The following TNFSF4 variants were observed in gnomAD, a reference collection of about 807,000 sequenced individuals.
TNFSF4 encodes the protein tumor necrosis factor ligand superfamily member 4.
In TNFSF4, 4 loss-of-function variants were observed where a neutral mutation model predicts 7.3. The ratio of observed to expected loss-of-function variants is 0.55; its 90% CI spans 0.27 to 1.25. The LOEUF (loss-of-function observed/expected upper bound fraction) is 1.25, where lower values mean the gene tolerates loss of function less well. Ranked by LOEUF, TNFSF4 falls within the 50% of genes most tolerant of loss-of-function variation. The pLI is 0.12. For missense variants in TNFSF4, 181 were observed against 208.8 expected, an observed-to-expected ratio of 0.87 and a Z score of 0.82; for synonymous variants, 76 against 83.7, an observed-to-expected ratio of 0.91 and a Z score of 0.50.
At chr1:173,405,782 C>T in the TNFSF4 span, among the ~76,000 whole-genome samples, 1 of 152,220 alleles carries the variant, frequency 6.6e-6, no homozygotes, top group African/African-American at 2.4e-5. Flanking sequence ...ATGCATCTCA[C>T]ATTGTACCTC....
the TNFSF4 span, among the ~76,000 whole-genome samples, chr1:173,220,795 T>C: frequency 6.6e-6 from 1 of 152,198 alleles, no homozygotes; most frequent in South Asian, 2.1e-4. Context: ...CTATGAAATA[T>C]AAATGTTGTT....
chr1:173,375,473 C>A, the TNFSF4 span, among the ~76,000 whole-genome samples: 21 of 152,152 alleles, frequency 1.4e-4, no homozygotes, highest in Non-Finnish European at 3.1e-4. Context: ...ACTTCAGGAA[C>A]TTTTCTGTCT....
At position 173,186,450 on chromosome 1, in the gene TNFSF4, A is replaced by C. The variant is rs779407107; in HGVS notation, c.*66T>G. 87 of 1,354,892 alleles carry C rather than the reference A, an allele frequency of 6.4e-5. No individual in the cohort carries two copies. Among genetic ancestry groups the C allele is most frequent in the Non-Finnish European group, 8.3e-5 (81 of 977,558 alleles). The allele number at this position is 1,354,892 out of a possible 1,614,324, so 83.9% of individuals were successfully genotyped here. A position where few individuals can be genotyped will look rare whatever the true frequency, so the allele number is the denominator to read the frequency against. ...CTCCTTCACTTGCAATGAAGAATCC[A>C]TGCCCTGTCCACCCCCAGCTTGGTG... is the stretch of plus-strand genomic sequence containing the variant. On this transcript the variant is annotated 3_prime_UTR_variant, in exon 3 of 3. Coordinates refer to ENST00000281834, the MANE Select transcript of TNFSF4 (RefSeq NM_003326.5).
the TNFSF4 span, among the ~76,000 whole-genome samples, chr1:173,300,192 CAT>C: frequency 6.6e-6 from 1 of 151,102 alleles, no homozygotes; most frequent in African/African-American, 2.4e-5. Context: ...TACATACATA[CAT>C]ACATACATAT....
At chr1:173,229,873 G>C in the TNFSF4 span, among the ~76,000 whole-genome samples, 2 of 152,128 alleles carry the variant, frequency 1.3e-5, no homozygotes, top group African/African-American at 4.8e-5. Flanking sequence ...AATTCAACAA[G>C]AAGAGCTAAC....
the TNFSF4 span, among the ~76,000 whole-genome samples, chr1:173,336,298 C>T: frequency 6.6e-6 from 1 of 152,184 alleles, no homozygotes; most frequent in Non-Finnish European, 1.5e-5. Flanking sequence ...CACTCCCATT[C>T]AATTTGCCTA....
chr1:173,231,053 C>T, the TNFSF4 span, among the ~76,000 whole-genome samples: 1 of 152,288 alleles, frequency 6.6e-6, no homozygotes, highest in East Asian at 1.9e-4. Flanking sequence ...TAAAACTATT[C>T]CAGTCAATAG....
chr1:173,371,770 A>T, the TNFSF4 span, among the ~76,000 whole-genome samples: 2 of 152,128 alleles, frequency 1.3e-5, 1 homozygote, highest in South Asian at 4.2e-4. Context: ...ATACCAGAGG[A>T]AGCAGAATGG....
At chr1:173,334,250 T>C in the TNFSF4 span, among the ~76,000 whole-genome samples, 11 of 152,154 alleles carry the variant, frequency 7.2e-5, no homozygotes, top group African/African-American at 2.2e-4. Flanking sequence ...TGATAGTCCA[T>C]AGCATAATCT....
chr1:173,328,961 T>A, the TNFSF4 span, among the ~76,000 whole-genome samples: 1 of 152,244 alleles, frequency 6.6e-6, no homozygotes, highest in Non-Finnish European at 1.5e-5. Context: ...GAAATACTAT[T>A]GAAAATTGCC....
chr1:173,207,120 G>C lies in TNFSF4; in HGVS notation c.57C>G (p.Phe19Leu), dbSNP rs546860748. ...CCACCAGCAATAGCTTGTTCCTCTC[G>C]AATCTTGGCCTGGCTGCATTTCCCA... ...ENVGNAARPR[F>L]ERNKLLLVAS... is the part of the protein sequence containing the mutation. The change falls in exon 1 of 3, where the codon TTC (phenylalanine) becomes TTG (leucine). Residue 19 changes from phenylalanine (F) to leucine (L), a missense_variant. By Grantham distance (22) the Phe-to-Leu change is conservative (BLOSUM62 0). Transcript: ENST00000281834. The C allele has an allele frequency of 6.2e-7, 1 of 1,613,834 alleles. No individual in the cohort carries two copies. Among genetic ancestry groups the C allele is most frequent in the East Asian group, 2.2e-5 (1 of 44,888 alleles).
the TNFSF4 span, among the ~76,000 whole-genome samples, chr1:173,225,529 A>T: frequency 6.6e-6 from 1 of 152,202 alleles, no homozygotes; most frequent in African/African-American, 2.4e-5. Context: ...TATCTTTCAT[A>T]AGAAAAGGGA....
At chr1:173,334,146 G>A in the TNFSF4 span, among the ~76,000 whole-genome samples, 5 of 152,144 alleles carry the variant, frequency 3.3e-5, no homozygotes, top group South Asian at 2.1e-4. Flanking sequence ...CTAAGGATTC[G>A]TGTTCTTAAT....
chr1:173,235,657 C>A, the TNFSF4 span, among the ~76,000 whole-genome samples: 1 of 152,332 alleles, frequency 6.6e-6, no homozygotes, highest in Admixed American at 6.5e-5. Context: ...TCAATGTGCA[C>A]AATGGCCTGG....
intron 1 of TNFSF4, among the ~76,000 whole-genome samples, chr1:173,191,867 G>A (rs1054384243): frequency 6.6e-6 from 1 of 152,174 alleles, no homozygotes; most frequent in African/African-American, 2.4e-5. Flanking sequence ...GCCAGCACAT[G>A]GTACGTGGTA....
the TNFSF4 span, among the ~76,000 whole-genome samples, chr1:173,353,058 A>G: frequency 4.0e-3 from 609 of 152,278 alleles, 5 homozygotes; most frequent in African/African-American, 0.013. Context: ...CATCGCTGTT[A>G]TCCTGTTCTT....
chr1:173,343,987 A>G, the TNFSF4 span, among the ~76,000 whole-genome samples: 1 of 152,240 alleles, frequency 6.6e-6, no homozygotes, highest in South Asian at 2.1e-4. Flanking sequence ...ATTAAAGTGG[A>G]CAAGGAGAAA....
chr1:173,298,359 T>C, the TNFSF4 span, among the ~76,000 whole-genome samples: 2 of 151,896 alleles, frequency 1.3e-5, no homozygotes, highest in Non-Finnish European at 2.9e-5. Context: ...CTAAGATGCA[T>C]AATGGTTTAG....
At chr1:173,177,774 T>TA in the TNFSF4 span, among the ~76,000 whole-genome samples, 113 of 151,698 alleles carry the variant, frequency 7.4e-4, no homozygotes, top group Non-Finnish European at 8.2e-4. Flanking sequence ...TTATGGAACT[T>TA]AAAAAAACAA....
Sources: gnomAD v4.1 joint callset for allele counts (sites outside exome capture counted in the v4.1 genomes callset) on GRCh38, gnomAD v4.1.1 for gene constraint, MANE v1.5 for transcripts, NCBI Gene and HGNC (gene_info 2026-07-23, HGNC 2026-07-21) for gene names.